The following DPYD variants were observed in gnomAD, a reference collection of about 807,000 sequenced individuals.
DPYD encodes the protein dihydropyrimidine dehydrogenase [NADP(+)].
In DPYD, 109 loss-of-function variants were observed where a neutral mutation model predicts 116.2. That is an observed-to-expected ratio of 0.94 (90% CI 0.80 to 1.10). DPYD has a LOEUF of 1.10. Ranked by LOEUF, DPYD falls within the 50% of genes least tolerant of loss-of-function variation. The pLI is 0.00. For missense variants in DPYD, 1,302 were observed against 1,254.5 expected (o/e 1.04, Z -0.57); for synonymous variants, 440 against 432.0 (o/e 1.02, Z -0.23).
intron 18 of DPYD, among the ~76,000 whole-genome samples, chr1:97,275,445 C>T (rs1664873672): frequency 6.6e-6 from 1 of 152,174 alleles, no homozygotes; most frequent in Non-Finnish European, 1.5e-5. Context: ...AGAGGTTCTA[C>T]TCCCAATTTT....
At chr1:97,703,174 C>A (rs923046346) in intron 5 of DPYD, among the ~76,000 whole-genome samples, 7 of 151,800 alleles carry the variant, frequency 4.6e-5, no homozygotes, top group Admixed American at 1.3e-4. Context: ...AGGTTTTCCC[C>A]GAGTTTAACA....
At chr1:97,723,594 G>A (rs1316756666) in intron 4 of DPYD, among the ~76,000 whole-genome samples, 1 of 151,540 alleles carries the variant, frequency 6.6e-6, no homozygotes, top group Non-Finnish European at 1.5e-5. Context: ...CTTTCCATCA[G>A]TTCAATGAAA....
intron 5 of DPYD, chr1:97,720,696 GTCATTAACTAAAAA>G: frequency 7.2e-7 from 1 of 1,398,494 alleles, no homozygotes; most frequent in Non-Finnish European, 9.3e-7. Flanking sequence ...AGATCAGTAA[GTCATTAACTAAAAA>G]TCTAGGTTGA....
chr1:97,421,862 A>G (rs916249196), intron 14 of DPYD, among the ~76,000 whole-genome samples: 1 of 152,174 alleles, frequency 6.6e-6, no homozygotes, highest in Non-Finnish European at 1.5e-5. Context: ...AAAAACTGAT[A>G]TGGGGGGATT....
At chr1:97,673,990 T>C (rs1660010546) in intron 8 of DPYD, among the ~76,000 whole-genome samples, 2 of 152,082 alleles carry the variant, frequency 1.3e-5, no homozygotes, top group African/African-American at 4.8e-5. Context: ...TGTGACCAAA[T>C]CAAGAAGAGC....
chr1:97,253,449 T>C lies in DPYD; in HGVS notation c.2300-18455A>G, dbSNP rs540577029. 2.6e-5 allele frequency among the ~76,000 whole-genome samples: 4 copies of C among 152,264 alleles called. No homozygotes were observed. The East Asian group carries it at 7.7e-4, about 29-fold the overall frequency. Reference sequence around the variant, plus strand: ...CTAACTCTTTCAATAAACTTAGATATGTGAGGGTATTGTTTTATGTATGGA... The same window carrying C: ...CTAACTCTTTCAATAAACTTAGATACGTGAGGGTATTGTTTTATGTATGGA... On this transcript the variant is annotated intron_variant, in intron 18 of 22. Coordinates refer to ENST00000370192, the MANE Select transcript of DPYD (RefSeq NM_000110.4).
At chr1:97,091,986 G>T (rs1166815385) in intron 21 of DPYD, among the ~76,000 whole-genome samples, 3 of 152,098 alleles carry the variant, frequency 2.0e-5, no homozygotes, top group Non-Finnish European at 2.9e-5. Flanking sequence ...TGTTCATTCT[G>T]AATGCAGTGT....
chr1:97,882,888 A>G (rs771380614), intron 2 of DPYD, among the ~76,000 whole-genome samples: 4 of 152,158 alleles, frequency 2.6e-5, no homozygotes, highest in Admixed American at 1.3e-4. Flanking sequence ...CTTCTGTATC[A>G]TTGTGTCATT....
chr1:97,795,403 A>G (rs1387885422), intron 3 of DPYD, among the ~76,000 whole-genome samples: 2 of 152,080 alleles, frequency 1.3e-5, no homozygotes, highest in Non-Finnish European at 2.9e-5. Flanking sequence ...TGATAAATAA[A>G]TACATAATTA....
At chr1:97,497,526 C>T (rs1184795343) in intron 13 of DPYD, among the ~76,000 whole-genome samples, 1 of 151,728 alleles carries the variant, frequency 6.6e-6, no homozygotes, top group East Asian at 1.9e-4. Context: ...TAACCAGTTG[C>T]CACAATGATT....
chr1:97,755,656 C>T (rs1290483741), intron 3 of DPYD, among the ~76,000 whole-genome samples: 1 of 152,150 alleles, frequency 6.6e-6, no homozygotes, highest in African/African-American at 2.4e-5. Flanking sequence ...CACCACAACA[C>T]AATATCATAA....
chr1:97,427,471 C>A (rs1291911820), intron 14 of DPYD, among the ~76,000 whole-genome samples: 1 of 151,906 alleles, frequency 6.6e-6, no homozygotes, highest in Non-Finnish European at 1.5e-5. Flanking sequence ...AAACATAACC[C>A]CAATCCTTCA....
chr1:97,466,055 T>A (rs953763601), intron 13 of DPYD, among the ~76,000 whole-genome samples: 12 of 152,158 alleles, frequency 7.9e-5, no homozygotes, highest in African/African-American at 2.9e-4. Context: ...AAGCTATGAT[T>A]GCACCACTGC....
intron 13 of DPYD, among the ~76,000 whole-genome samples, chr1:97,494,767 CACACACACACAT>C (rs985665545): frequency 6.7e-6 from 1 of 149,182 alleles, no homozygotes; most frequent in Non-Finnish European, 1.5e-5. Flanking sequence ...CACACACACA[CACACACACACAT>C]ACGCACACAC....
chr1:97,579,630 G>C (rs1300551665), intron 10 of DPYD, among the ~76,000 whole-genome samples: 3 of 152,160 alleles, frequency 2.0e-5, no homozygotes. Context: ...AACAACTAAT[G>C]TTTGTCAATA....
chr1:97,721,632 G>A lies in DPYD; in HGVS notation c.361C>T (p.Pro121Ser). Reference protein sequence around the residue: ...GAAKMIFSDNPLGLTCGMVCP... With the variant: ...GAAKMIFSDNSLGLTCGMVCP... ...ACCATTCCACAAGTCAGACCAAGTG[G>A]GTTGTCAGAAAATATCATCTTAGCA... The change falls in exon 5 of 23, where the codon CCA becomes TCA. Residue 121 changes from proline to serine, a missense_variant. Physicochemically the swap from Pro to Ser is moderately conservative, Grantham distance 74. Coordinates refer to ENST00000370192, the MANE Select transcript of DPYD (RefSeq NM_000110.4). 1.2e-6 allele frequency: 2 copies of A among 1,611,388 alleles called. 1 individual carries two copies. Among genetic ancestry groups the A allele is most frequent in the Non-Finnish European group, 1.7e-6 (2 of 1,178,206 alleles).
chr1:97,432,168 A>G (rs1675213855), intron 14 of DPYD, among the ~76,000 whole-genome samples: 1 of 152,158 alleles, frequency 6.6e-6, no homozygotes, highest in African/African-American at 2.4e-5. Context: ...TGCAAAAAAC[A>G]TGAGGGTGCA....
intron 18 of DPYD, among the ~76,000 whole-genome samples, chr1:97,256,895 A>T (rs2100832241): frequency 6.6e-6 from 1 of 152,220 alleles, no homozygotes; most frequent in South Asian, 2.1e-4. Context: ...TATCTGTAAT[A>T]CATATCCTTG....
intron 11 of DPYD, among the ~76,000 whole-genome samples, chr1:97,561,754 C>G (rs1652166335): frequency 6.6e-6 from 1 of 152,142 alleles, no homozygotes; most frequent in Non-Finnish European, 1.5e-5. Flanking sequence ...ACCTTATAAT[C>G]TAGACGAAGA....
Sources: gnomAD v4.1 joint callset for allele counts (sites outside exome capture counted in the v4.1 genomes callset) on GRCh38, gnomAD v4.1.1 for gene constraint, MANE v1.5 for transcripts, NCBI Gene and HGNC (gene_info 2026-07-23, HGNC 2026-07-21) for gene names.